Variants in NDST4 observed in about 807,000 individuals in gnomAD.
NDST4 encodes the protein N-heparan sulfate sulfotransferase 4.
NDST4 carries 63 observed loss-of-function variants against 100.8 expected under a neutral mutation model. That is an observed-to-expected ratio of 0.62 (90% CI 0.51 to 0.77). NDST4 has a LOEUF of 0.77. Ranked by LOEUF, NDST4 falls within the 30% of genes least tolerant of loss-of-function variation. The pLI is 0.00. For synonymous variants in NDST4, 377 were observed against 361.8 expected (o/e 1.04, Z -0.48); for missense variants, 943 against 1,018.4 (o/e 0.93, Z 1.01).
intron 2 of NDST4, among the ~76,000 whole-genome samples, chr4:114,998,039 C>G (rs190518443): frequency 6.6e-6 from 1 of 152,110 alleles, no homozygotes; most frequent in East Asian, 1.9e-4. Context: ...ATGACAACTT[C>G]TAAGTAGTAT....
chr4:115,036,319 G>C (rs947637115), intron 2 of NDST4, among the ~76,000 whole-genome samples: 12 of 150,384 alleles, frequency 8.0e-5, no homozygotes, highest in African/African-American at 2.7e-4. Flanking sequence ...CTAATCACTG[G>C]TTGTCATGGT....
At chr4:114,939,833 T>A (rs2126227246) in intron 4 of NDST4, among the ~76,000 whole-genome samples, 1 of 152,318 alleles carries the variant, frequency 6.6e-6, no homozygotes, top group African/African-American at 2.4e-5. Flanking sequence ...TCAATTAAAA[T>A]AGTATATCAC....
At chr4:114,913,908 G>A (rs1725114921) in intron 6 of NDST4, among the ~76,000 whole-genome samples, 1 of 152,110 alleles carries the variant, frequency 6.6e-6, no homozygotes, top group African/African-American at 2.4e-5. Flanking sequence ...GTTAAAAAGT[G>A]TTGGCTGCTT....
chr4:114,846,402 G>T (rs1051618367), intron 9 of NDST4, among the ~76,000 whole-genome samples: 2 of 152,106 alleles, frequency 1.3e-5, no homozygotes, highest in African/African-American at 4.8e-5. Context: ...GAAATTATTC[G>T]GTGAGATTAA....
intron 6 of NDST4, among the ~76,000 whole-genome samples, chr4:114,903,311 TC>T (rs1164268146): frequency 2.0e-5 from 3 of 152,112 alleles, no homozygotes; most frequent in Non-Finnish European, 2.9e-5. Flanking sequence ...ACTTTTCCTC[TC>T]CCACTGAAGA....
intron 1 of NDST4, among the ~76,000 whole-genome samples, chr4:115,093,495 A>C (rs1029568748): frequency 1.3e-5 from 2 of 152,060 alleles, no homozygotes; most frequent in African/African-American, 4.8e-5. Context: ...AAAAAAATAA[A>C]GAAGACCTAA....
chr4:114,848,463 T>C, intron 8 of NDST4, 125 bp from the exon 9 acceptor site: 1 of 715,300 alleles, frequency 1.4e-6, no homozygotes, highest in Non-Finnish European at 2.2e-6. Context: ...GTGATTTCCT[T>C]AAAATCAACT....
Position 114,833,671 on chromosome 4 carries a change from A to G in NDST4, c.2331T>C (p.Thr777=), listed in dbSNP as rs1399414656. 1.2e-6 allele frequency: 2 copies of G among 1,613,200 alleles called. No homozygotes were observed. The highest frequency in any genetic ancestry group is 1.7e-4 in the Middle Eastern group (1 of 6,058). Residue 777 remains threonine, a synonymous_variant, in exon 12 of 14, where the codon ACT becomes ACC. Coordinates refer to ENST00000264363, the MANE Select transcript of NDST4 (RefSeq NM_022569.3). ...GAAACTTCTGGACTTCATCCATCACAGTAGCTGGGTCAGATCTCAGCTGCT... is the reference window on the plus strand; with the variant it reads ...GAAACTTCTGGACTTCATCCATCACGGTAGCTGGGTCAGATCTCAGCTGCT... ...DGQQLRSDPA[T]VMDEVQKFLG...
At chr4:115,096,588 C>A (rs1432522939) in intron 1 of NDST4, among the ~76,000 whole-genome samples, 1 of 151,814 alleles carries the variant, frequency 6.6e-6, no homozygotes, top group African/African-American at 2.4e-5. Context: ...CTAAGGACAC[C>A]CTCCTTAGCT....
chr4:115,102,704 C>CTTTTTTTTTTTTTTTTTTTTT (rs751431042), intron 1 of NDST4, among the ~76,000 whole-genome samples: 1 of 90,578 alleles, frequency 1.1e-5, no homozygotes, highest in Non-Finnish European at 1.9e-5. Flanking sequence ...TTCTGACTTC[C>CTTTTTTTTTTTTTTTTTTTTT]TTTTTTTTTT....
chr4:115,067,355 A>G (rs1224928947), intron 2 of NDST4, among the ~76,000 whole-genome samples: 1 of 152,168 alleles, frequency 6.6e-6, no homozygotes, highest in Non-Finnish European at 1.5e-5. Context: ...CTAAAAACAG[A>G]TTTTTCTACT....
chr4:115,090,966 T>C (rs1299627060), intron 1 of NDST4, among the ~76,000 whole-genome samples: 2 of 152,164 alleles, frequency 1.3e-5, no homozygotes, highest in African/African-American at 4.8e-5. Context: ...GTTCCCTGCT[T>C]CTGAAGTTTT....
chr4:114,888,975 A>G (rs1354046320), intron 6 of NDST4, among the ~76,000 whole-genome samples: 1 of 151,906 alleles, frequency 6.6e-6, no homozygotes, highest in African/African-American at 2.4e-5. Flanking sequence ...ATTTTTTTAA[A>G]GGTTATTTCT....
intron 2 of NDST4, among the ~76,000 whole-genome samples, chr4:114,997,190 G>A (rs1727183506): frequency 6.6e-6 from 1 of 151,978 alleles, no homozygotes; most frequent in Non-Finnish European, 1.5e-5. Context: ...TTCCACCAAA[G>A]CCCTATTGCA....
At chr4:115,080,394 C>T (rs1729276546) in intron 1 of NDST4, among the ~76,000 whole-genome samples, 1 of 152,136 alleles carries the variant, frequency 6.6e-6, no homozygotes, top group Non-Finnish European at 1.5e-5. Context: ...ACCTCGGCCT[C>T]CCAAAATGCT....
intron 2 of NDST4, among the ~76,000 whole-genome samples, chr4:114,984,352 T>C (rs753024428): frequency 9.9e-5 from 15 of 151,966 alleles, no homozygotes; most frequent in Non-Finnish European, 2.9e-5. Flanking sequence ...ATAATTTTTG[T>C]ATTTTTAGTA....
chr4:115,092,264 T>G (rs1729534998), intron 1 of NDST4, among the ~76,000 whole-genome samples: 1 of 152,142 alleles, frequency 6.6e-6, no homozygotes, highest in African/African-American at 2.4e-5. Flanking sequence ...ATTCCCTCAT[T>G]CACTAGCTTC....
intron 10 of NDST4, among the ~76,000 whole-genome samples, chr4:114,840,458 TATATTTGAC>T (rs1294295096): frequency 6.6e-6 from 1 of 152,200 alleles, no homozygotes; most frequent in African/African-American, 2.4e-5. Context: ...AATAAAGTTG[TATATTTGAC>T]ATATTTGATT....
chr4:114,940,740 T>C (rs781363445), intron 4 of NDST4, among the ~76,000 whole-genome samples: 8 of 152,060 alleles, frequency 5.3e-5, no homozygotes, highest in Non-Finnish European at 7.4e-5. Flanking sequence ...TATGAAGGAA[T>C]TGAAGGGTGG....
Sources: gnomAD v4.1 joint callset for allele counts (sites outside exome capture counted in the v4.1 genomes callset) on GRCh38, gnomAD v4.1.1 for gene constraint, MANE v1.5 for transcripts, NCBI Gene and HGNC (gene_info 2026-07-23, HGNC 2026-07-21) for gene names.